GRM8: variants seen among roughly 807,000 people sequenced by gnomAD.
GRM8 encodes metabotropic glutamate receptor 8.
In GRM8, 47 loss-of-function variants were observed where a neutral mutation model predicts 87.2. The observed-to-expected ratio is 0.54, with a 90% CI of 0.43 to 0.69. The LOEUF (loss-of-function observed/expected upper bound fraction) is 0.69, where lower values mean the gene tolerates loss of function less well. Among genes scored for constraint, GRM8 ranks in the 30% least tolerant of loss-of-function variants. The pLI, the probability that GRM8 is intolerant of heterozygous loss-of-function variation, is 0.00. For missense variants in GRM8, 1,019 were observed against 1,139.2 expected, an observed-to-expected ratio of 0.89 and a Z score of 1.52; for synonymous variants, 396 against 404.5, an observed-to-expected ratio of 0.98 and a Z score of 0.25.
intron 3 of GRM8, among the ~76,000 whole-genome samples, chr7:126,948,225 G>T (rs1239518287): frequency 6.6e-6 from 1 of 151,906 alleles, no homozygotes; most frequent in Non-Finnish European, 1.5e-5. Context: ...AGAATCCAGA[G>T]GAAAGAATAC....
chr7:126,899,301 C>A (rs2131170806), intron 6 of GRM8, among the ~76,000 whole-genome samples: 1 of 152,278 alleles, frequency 6.6e-6, no homozygotes, highest in Non-Finnish European at 1.5e-5. Flanking sequence ...ACTCTCCTTC[C>A]AAACCCATCT....
intron 2 of GRM8, among the ~76,000 whole-genome samples, chr7:127,191,881 T>C (rs1648186829): frequency 6.6e-6 from 1 of 152,172 alleles, no homozygotes; most frequent in African/African-American, 2.4e-5. Flanking sequence ...GCCCAATCTG[T>C]TGTTTATTTG....
At chr7:126,825,832 T>C (rs1294502608) in intron 6 of GRM8, among the ~76,000 whole-genome samples, 1 of 151,908 alleles carries the variant, frequency 6.6e-6, no homozygotes, top group Non-Finnish European at 1.5e-5. Context: ...AACTCGTCAT[T>C]TAGCATTAGG....
intron 9 of GRM8, among the ~76,000 whole-genome samples, chr7:126,504,241 T>A (rs1810087874): frequency 6.6e-6 from 1 of 152,038 alleles, no homozygotes; most frequent in African/African-American, 2.4e-5. Context: ...GACTGACTAG[T>A]CAAGATGTGC....
rs17864953 is a variant in GRM8, at chr7:127,002,302, T to C, written c.728-97619A>G. Among the ~76,000 whole-genome samples, 567 of 151,802 alleles carry C rather than the reference T, an allele frequency of 3.7e-3. 25 individuals carry two copies. The East Asian group carries it at 0.096, about 26-fold the overall frequency. ...GAGTGCATCATCAACGCAATATGGC[T>C]AAGCTTACCCACAAGTAAGCTGGAA... On this transcript the variant is annotated intron_variant, in intron 3 of 10. Transcript: ENST00000339582.
chr7:126,612,251 A>G (rs1356898089), intron 7 of GRM8, among the ~76,000 whole-genome samples: 1 of 152,288 alleles, frequency 6.6e-6, no homozygotes, highest in Non-Finnish European at 1.5e-5. Flanking sequence ...AGAACATATA[A>G]ACTCAGTGAG....
intron 7 of GRM8, among the ~76,000 whole-genome samples, chr7:126,763,480 C>T (rs1293537079): frequency 1.7e-3 from 234 of 140,212 alleles, no homozygotes; most frequent in Non-Finnish European, 2.2e-3. Flanking sequence ...TATACACACA[C>T]ACACACACAC....
rs1798423073 is a variant in GRM8 at position 127,243,518 on chromosome 7, G to A, written c.-311-3C>T. 2 of 307,890 alleles carry A rather than the reference G, an allele frequency of 6.5e-6. No individual in the cohort carries two copies. Among genetic ancestry groups the A allele is most frequent in the Non-Finnish European group, 1.2e-5 (2 of 168,278 alleles). The allele number at this position is 307,890 out of a possible 1,614,324, so 19.1% of individuals were successfully genotyped here. ...TCAGCCTTGTAGCAGAATTATTCCTGGGAAGAGGGGAAAAAAGGGGGTTCA... is the reference window on the plus strand; with the variant it reads ...TCAGCCTTGTAGCAGAATTATTCCTAGGAAGAGGGGAAAAAAGGGGGTTCA... On this transcript the variant is annotated splice_polypyrimidine_tract_variant and splice_region_variant and intron_variant, in intron 1 of 10. Coordinates refer to ENST00000339582, the MANE Select transcript of GRM8 (RefSeq NM_000845.3).
chr7:126,571,764 G>A (rs1174986592), intron 8 of GRM8, among the ~76,000 whole-genome samples: 1 of 142,512 alleles, frequency 7.0e-6, no homozygotes, highest in Non-Finnish European at 1.5e-5. Context: ...TTTTTGAGAT[G>A]GAGTCTCACC....
intron 6 of GRM8, among the ~76,000 whole-genome samples, chr7:126,827,325 A>T (rs1310537504): frequency 1.3e-5 from 2 of 152,012 alleles, no homozygotes; most frequent in Admixed American, 1.3e-4. Flanking sequence ...CATTTTCATG[A>T]TATTTTCTTC....
intron 3 of GRM8, among the ~76,000 whole-genome samples, chr7:127,016,867 T>C (rs1297982729): frequency 6.6e-6 from 1 of 152,084 alleles, no homozygotes; most frequent in Non-Finnish European, 1.5e-5. Context: ...ATAAAGTTTA[T>C]TAAAATTTTT....
At chr7:126,740,706 G>T (rs1563141573) in intron 7 of GRM8, among the ~76,000 whole-genome samples, 1 of 152,078 alleles carries the variant, frequency 6.6e-6, no homozygotes, top group Non-Finnish European at 1.5e-5. Flanking sequence ...GATTTGAAAG[G>T]TCATGAAAAT....
In GRM8 at chr7:126,533,083, C is replaced by T. The variant is rs377749087; in HGVS notation, c.2299G>A (p.Ala767Thr). 19 of 1,613,274 alleles carry T rather than the reference C, an allele frequency of 1.2e-5. No homozygotes were observed. Among genetic ancestry groups the T allele is most frequent in the Non-Finnish European group, 1.6e-5 (19 of 1,179,752 alleles). ...TCTGGGACACCTCTCGTTTTAATGG[C>T]ATAAACAGTACAAGTGACCATCAAG... ...ILLMVTCTVY[A>T]IKTRGVPETF... The change falls in exon 9 of 11, where the codon GCC becomes ACC. Residue 767 changes from alanine (A) to threonine (T), a missense_variant. Coordinates refer to ENST00000339582, the MANE Select transcript of GRM8 (RefSeq NM_000845.3).
intron 3 of GRM8, among the ~76,000 whole-genome samples, chr7:126,959,396 A>G (rs1809072892): frequency 6.6e-6 from 1 of 152,218 alleles, no homozygotes; most frequent in Non-Finnish European, 1.5e-5. Flanking sequence ...GGCAGCAGTG[A>G]ACTTGAGGAA....
At chr7:126,502,060 A>G (rs1276405558) in intron 9 of GRM8, among the ~76,000 whole-genome samples, 1 of 152,008 alleles carries the variant, frequency 6.6e-6, no homozygotes, top group Non-Finnish European at 1.5e-5. Flanking sequence ...TTAGATATAA[A>G]CTTTTGGTCC....
At chr7:127,127,731 A>G (rs1340038795) in intron 2 of GRM8, among the ~76,000 whole-genome samples, 1 of 152,070 alleles carries the variant, frequency 6.6e-6, no homozygotes, top group Non-Finnish European at 1.5e-5. Flanking sequence ...TATATTTGTC[A>G]AAACTCATCA....
intron 2 of GRM8, among the ~76,000 whole-genome samples, chr7:127,107,072 G>C (rs980884656): frequency 6.6e-6 from 1 of 152,120 alleles, no homozygotes; most frequent in African/African-American, 2.4e-5. Flanking sequence ...AAAAATGAAG[G>C]CATATACATC....
At chr7:126,880,086 A>G (rs1472374144) in intron 6 of GRM8, among the ~76,000 whole-genome samples, 1 of 152,206 alleles carries the variant, frequency 6.6e-6, no homozygotes, top group Non-Finnish European at 1.5e-5. Context: ...TTAATGACCA[A>G]ATGGTTGAAT....
intron 3 of GRM8, among the ~76,000 whole-genome samples, chr7:126,994,308 GC>G (rs1328585616): frequency 6.6e-6 from 1 of 152,160 alleles, no homozygotes; most frequent in Non-Finnish European, 1.5e-5. Flanking sequence ...TGACTAAAGA[GC>G]CCCCGAACCC....
Sources: allele counts gnomAD v4.1 joint callset (sites outside exome capture counted in the v4.1 genomes callset), GRCh38; gene constraint gnomAD v4.1.1; transcripts MANE v1.5; gene names NCBI Gene and HGNC (gene_info 2026-07-23, HGNC 2026-07-21).